The following SEZ6 variants were observed in gnomAD, a reference collection of about 807,000 sequenced individuals.
The protein encoded by SEZ6 is seizure related 6 homolog, also known as seizure protein 6 homolog.
SEZ6 carries 53 observed loss-of-function variants against 101.0 expected under a neutral mutation model. That is an observed-to-expected ratio of 0.52 (90% confidence interval 0.42 to 0.66). The LOEUF is 0.66. SEZ6 is among the 30% of genes least tolerant of loss of function. The probability of loss-of-function intolerance (pLI) is 0.00; values close to 1 mark genes in which losing one functional copy is unlikely to be tolerated. For missense variants in SEZ6, 1,102 were observed against 1,289.4 expected (o/e 0.85, Z 2.23); for synonymous variants, 488 against 512.2 (o/e 0.95, Z 0.64).
chr17:28,955,788 A>G lies in SEZ6; in HGVS notation c.*174T>C. 1.3e-6 allele frequency: 1 copy of G among 773,502 alleles called. No individual in the cohort carries two copies. Among genetic ancestry groups the G allele is most frequent in the South Asian group, 1.5e-5 (1 of 68,072 alleles). The allele number at this position is 773,502 out of a possible 1,614,324, so 47.9% of individuals were successfully genotyped here. A position where few individuals can be genotyped will look rare whatever the true frequency, so the allele number is the denominator to read the frequency against. On this transcript the variant is annotated 3_prime_UTR_variant, in exon 17 of 17. Transcript: ENST00000317338. The stretch of plus-strand genomic sequence containing the variant: ...GGCAATGACACCAAGAAAATAGGCC[A>G]TGGTGGGCATCGCAGGCGGGGAAGG...
chr17:28,987,143 G>A (rs753067126), intron 1 of SEZ6, among the ~76,000 whole-genome samples: 1 of 152,208 alleles, frequency 6.6e-6, no homozygotes, highest in Non-Finnish European at 1.5e-5. Flanking sequence ...GGCCCAGCAC[G>A]GGGACAATGA....
intron 1 of SEZ6, among the ~76,000 whole-genome samples, chr17:28,992,408 G>A (rs1042332552): frequency 6.6e-6 from 1 of 152,136 alleles, no homozygotes; most frequent in Non-Finnish European, 1.5e-5. Context: ...GGGTGTGTGT[G>A]TGTGTGTTCA....
Position 28,959,887 on chromosome 17 carries a change from G to T in SEZ6, c.1582C>A (p.Gln528Lys), listed in dbSNP as rs780717558. ...AGMALRYEAF[Q>K]QGHCYEPFVK... ...AAGGGCTCATAGCAATGGCCCTGCT[G>T]GAAGGCTGTAAACCACAGGTCCCAG... The change falls in exon 8 of 17, where the codon CAG (glutamine) becomes AAG (lysine). Residue 528 changes from glutamine (Q) to lysine (K), a missense_variant. Transcript: ENST00000317338. The surrounding 1 kb of genome is among the most constrained non-coding windows in gnomAD (Gnocchi z 4.4). 1 of 1,607,164 alleles carries T rather than the reference G, an allele frequency of 6.2e-7. No individual in the cohort carries two copies. The highest frequency in any genetic ancestry group is 2.2e-5 in the East Asian group (1 of 44,610).
chr17:28,957,406 G>C lies in SEZ6; in HGVS notation c.2436C>G (p.Thr812=), dbSNP rs767446717. The C allele has an allele frequency of 1.2e-6, 2 of 1,613,698 alleles. No individual in the cohort carries two copies. Among genetic ancestry groups the C allele is most frequent in the Non-Finnish European group, 1.7e-6 (2 of 1,179,746 alleles). ...GGCTGCCAGCCTGGCGATCATGGCA[G>C]GTGAGGATGGAGCTGCCCATCAGCA... The part of the protein sequence containing the change: ...GFVLMGSSIL[T]CHDRQAGSPK... Residue 812 remains threonine (T), a synonymous_variant, in exon 12 of 17, where the codon ACC becomes ACG. Coordinates refer to ENST00000317338, the MANE Select transcript of SEZ6 (RefSeq NM_178860.5).
chr17:28,993,786 C>G (rs2041498163), intron 1 of SEZ6, among the ~76,000 whole-genome samples: 1 of 152,216 alleles, frequency 6.6e-6, no homozygotes, highest in African/African-American at 2.4e-5. Context: ...GACTACTGCC[C>G]CCTCCCAGCC....
intron 3 of SEZ6, among the ~76,000 whole-genome samples, chr17:28,974,188 A>G (rs924322887): frequency 2.6e-5 from 4 of 152,166 alleles, no homozygotes; most frequent in Non-Finnish European, 5.9e-5. Context: ...ACAACCCGGC[A>G]TAGGCAGATG....
At position 29,005,457 on chromosome 17, in the gene SEZ6, C is replaced by A. The variant is rs900314229; in HGVS notation, c.55+358G>T. On this transcript the variant is annotated intron_variant, in intron 1 of 16. Transcript: ENST00000317338. The surrounding 1 kb of genome is among the most constrained non-coding windows in gnomAD (Gnocchi z 4.8). ...GTCCCGACTCACTGCCTTGCGCCCC[C>A]CGGCACGCGCCCCAGCACCCTGAGA... Among the ~76,000 whole-genome samples the A allele has an allele frequency of 3.3e-5, 5 of 152,320 alleles. No homozygotes were observed. Among genetic ancestry groups the A allele is most frequent in the African/African-American group, 1.2e-4 (5 of 41,588 alleles).
rs548817464 is a variant in SEZ6, at chr17:28,981,712, G to T, written c.383C>A (p.Ala128Glu). 6.3e-7 allele frequency: 1 copy of T among 1,593,766 alleles called. No homozygotes were observed. The highest frequency in any genetic ancestry group is 1.3e-5 in the African/African-American group (1 of 74,596). The change falls in exon 2 of 17, where the codon GCG becomes GAG. Residue 128 changes from alanine to glutamate, a missense_variant. Physicochemically the swap from Ala to Glu is moderately radical, Grantham distance 107 (BLOSUM62 -1). Transcript: ENST00000317338. ...CTTGGACTGGGGCTGAGTGGGTACC[G>T]CAGCCATGGCTGGAGTGGGGCTGGT... Reference protein sequence around the residue: ...VFTSPTPAMAAVPTQPQSKEG... With the variant: ...VFTSPTPAMAEVPTQPQSKEG...
At chr17:28,967,879 G>A (rs565370375) in intron 4 of SEZ6, among the ~76,000 whole-genome samples, 5 of 152,094 alleles carry the variant, frequency 3.3e-5, no homozygotes, top group East Asian at 1.9e-4. Flanking sequence ...AACCGTTCCC[G>A]GGGAGCCTGA....
chr17:28,998,541 T>C (rs963077736), intron 1 of SEZ6, among the ~76,000 whole-genome samples: 16 of 152,040 alleles, frequency 1.1e-4, no homozygotes, highest in Non-Finnish European at 2.9e-5. Context: ...CACCACAAAT[T>C]CATGATGCCT....
In SEZ6 at chr17:28,960,984, C is replaced by G. The variant is rs2040969482; in HGVS notation, c.1241-11G>C. On this transcript the variant is annotated splice_polypyrimidine_tract_variant and intron_variant, in intron 5 of 16. Coordinates refer to ENST00000317338, the MANE Select transcript of SEZ6 (RefSeq NM_178860.5). Reference sequence around the variant, plus strand: ...CTCCGCCGCAAGCAGCTGTTAAGACCAGGACAGGACGTAGGCTAGGCCCCT... The same window carrying G: ...CTCCGCCGCAAGCAGCTGTTAAGACGAGGACAGGACGTAGGCTAGGCCCCT... 2 of 1,609,330 alleles carry G rather than the reference C, an allele frequency of 1.2e-6. No homozygotes were observed. The highest frequency in any genetic ancestry group is 1.7e-4 in the Middle Eastern group (1 of 6,044).
intron 1 of SEZ6, among the ~76,000 whole-genome samples, chr17:29,004,258 G>A (rs1035457429): frequency 1.3e-5 from 2 of 152,184 alleles, no homozygotes; most frequent in African/African-American, 4.8e-5. Flanking sequence ...CAGGCCCTGC[G>A]CCCCAGGGGA....
At chr17:28,975,921 A>G (rs1403858614) in intron 3 of SEZ6, among the ~76,000 whole-genome samples, 1 of 152,220 alleles carries the variant, frequency 6.6e-6, no homozygotes, top group Non-Finnish European at 1.5e-5. Flanking sequence ...GTGCAGAGAG[A>G]GGCAGGCGCC....
chr17:28,956,193 T>C lies in SEZ6; in HGVS notation c.2918A>G (p.Glu973Gly), dbSNP rs2040874721. The C allele has an allele frequency of 1.2e-6, 1 of 853,738 alleles. No homozygotes were observed. 52.9% of individuals were successfully genotyped at this position (853,738 alleles called of 1,614,324 possible). A position where few individuals can be genotyped will look rare whatever the true frequency, so the allele number is the denominator to read the frequency against. The change falls in exon 16 of 17, where the codon GAG (glutamate) becomes GGG (glycine). Residue 973 changes from glutamate to glycine, a missense_variant. Physicochemically the swap from Glu to Gly is moderately conservative, Grantham distance 98. This residue lies in a region of SEZ6 where 140 missense variants were observed against 135.7 expected (regional missense o/e 1.03). Transcript: ENST00000317338. Reference protein sequence around the residue: ...RPRPYNRITIESAFDNPTYET... With the variant: ...RPRPYNRITIGSAFDNPTYET... ...GTAAGTTGGATTGTCAAACGCTGAC[T>C]CTATGGTAATGCGGTTGTAGGGGCG...
At chr17:28,982,500 G>A (rs2041323116) in intron 1 of SEZ6, among the ~76,000 whole-genome samples, 1 of 152,210 alleles carries the variant, frequency 6.6e-6, no homozygotes, top group African/African-American at 2.4e-5. Context: ...AAAACCGTAA[G>A]TGTGTCTCCC....
At chr17:28,980,207 CTTTTT>C (rs3052135) in intron 2 of SEZ6, among the ~76,000 whole-genome samples, 4 of 132,916 alleles carry the variant, frequency 3.0e-5, no homozygotes, top group Non-Finnish European at 3.2e-5. Context: ...TGTTTTCTTT[CTTTTT>C]TTTTTTTTTT....
At chr17:29,000,173 A>G (rs181869190) in intron 1 of SEZ6, among the ~76,000 whole-genome samples, 1 of 152,308 alleles carries the variant, frequency 6.6e-6, no homozygotes, top group Admixed American at 6.5e-5. Context: ...TGTTGTTGCT[A>G]TTATTTGGAT....
chr17:29,000,446 G>T (rs2041600956), intron 1 of SEZ6, among the ~76,000 whole-genome samples: 1 of 152,204 alleles, frequency 6.6e-6, no homozygotes, highest in Non-Finnish European at 1.5e-5. Flanking sequence ...ACCAGTGAAG[G>T]CTGGGCCCCT....
Position 28,971,108 on chromosome 17 carries a change from TAGAA to T in SEZ6, c.859-1160_859-1157del, listed in dbSNP as rs369855896. 5.0e-3 allele frequency among the ~76,000 whole-genome samples: 765 copies of T among 152,312 alleles called. 3 individuals carry two copies. The highest frequency in any genetic ancestry group is 0.017 in the African/African-American group (720 of 41,560). The stretch of plus-strand genomic sequence containing the variant: ...GAGGGAAATTAGCAGCATGGCTTGA[TAGAA>T]GGAACACTGGATTGATTGGGAGCCC... On this transcript the variant is annotated intron_variant, in intron 3 of 16. Transcript: ENST00000317338.
Sources: allele counts gnomAD v4.1 joint callset (sites outside exome capture counted in the v4.1 genomes callset), GRCh38; gene constraint gnomAD v4.1.1; regional missense constraint gnomAD v4.1.1; non-coding constraint Gnocchi (gnomAD v3.1); transcripts MANE v1.5; gene names NCBI Gene and HGNC (gene_info 2026-07-23, HGNC 2026-07-21).